The following ZNF365 variants were observed in gnomAD, a reference collection of about 807,000 sequenced individuals.
The protein encoded by ZNF365 is zinc finger protein 365, also known as protein ZNF365.
Under a neutral mutation model 35.0 loss-of-function variants are expected in ZNF365, and 22 were observed. The ratio of observed to expected loss-of-function variants is 0.63; its 90% CI spans 0.45 to 0.90. The LOEUF is 0.90. Ranked by LOEUF, ZNF365 falls within the 40% of genes least tolerant of loss-of-function variation. ZNF365 has a pLI of 0.00. For missense variants in ZNF365, 448 were observed against 500.3 expected (o/e 0.90, Z 1.00); for synonymous variants, 188 against 196.2 (o/e 0.96, Z 0.35).
At chr10:62,464,158 G>A (rs1006463584) in intron 4 of ZNF365, among the ~76,000 whole-genome samples, 1 of 152,154 alleles carries the variant, frequency 6.6e-6, no homozygotes, top group Non-Finnish European at 1.5e-5. Flanking sequence ...TAATGACTTT[G>A]GGACTCACCA....
At chr10:62,441,894 C>T (rs1840507584) in intron 3 of ZNF365, among the ~76,000 whole-genome samples, 1 of 152,098 alleles carries the variant, frequency 6.6e-6, no homozygotes, top group African/African-American at 2.4e-5. Context: ...AGGTGGGAGG[C>T]AGAATAGATG....
intron 2 of ZNF365, among the ~76,000 whole-genome samples, chr10:62,382,956 G>A (rs1227525675): frequency 6.6e-6 from 1 of 152,312 alleles, no homozygotes; most frequent in Non-Finnish European, 1.5e-5. Context: ...CCTTTGGGAG[G>A]AGAAGCTGAT....
exon 5 of ZNF365, chr10:62,479,981 C>A: frequency 6.3e-7 from 1 of 1,591,574 alleles, no homozygotes. Context: ...TTCATTCATT[C>A]AACAAATATT....
chr10:62,455,068 G>T (rs890377183), intron 3 of ZNF365, among the ~76,000 whole-genome samples: 1 of 152,230 alleles, frequency 6.6e-6, no homozygotes, highest in African/African-American at 2.4e-5. Context: ...GGCAGGCAAG[G>T]TTAGAATAAG....
chr10:62,427,419 G>A lies in ZNF365; in HGVS notation c.925-32322G>A, dbSNP rs114829354. ...AGGCTATACCACATACCCTAGGAATGTAGCAGGCTATGCCAGCTAGGTGTG... is the reference window on the plus strand; with the variant it reads ...AGGCTATACCACATACCCTAGGAATATAGCAGGCTATGCCAGCTAGGTGTG... On this transcript the variant is annotated intron_variant, in intron 3 of 4. Transcript: ENST00000395255. Among the ~76,000 whole-genome samples the A allele has an allele frequency of 7.4e-3, 1,126 of 152,290 alleles. 9 individuals are homozygous for A. Among genetic ancestry groups the A allele is most frequent in the African/African-American group, 0.024 (1,014 of 41,554 alleles).
chr10:62,423,463 A>T (rs1383874198), intron 3 of ZNF365, among the ~76,000 whole-genome samples: 3 of 152,204 alleles, frequency 2.0e-5, no homozygotes, highest in African/African-American at 7.2e-5. Flanking sequence ...TAGTTCTGAT[A>T]ACCAGGAATG....
chr10:62,451,161 A>C (rs1840678331), intron 3 of ZNF365, among the ~76,000 whole-genome samples: 1 of 152,172 alleles, frequency 6.6e-6, no homozygotes, highest in South Asian at 2.1e-4. Flanking sequence ...AGATGTAGGG[A>C]GGAGTTTGGT....
At position 62,376,900 on chromosome 10, in the gene ZNF365, T is replaced by C. The variant is rs1415590072; in HGVS notation, c.707T>C (p.Leu236Pro). The C allele has an allele frequency of 1.9e-6, 3 of 1,613,528 alleles. No homozygotes were observed. The highest frequency in any genetic ancestry group is 2.5e-6 in the Non-Finnish European group (3 of 1,179,726). ...ATGATAGCTGTACTGAGGCAACGCC[T>C]GACGGAATCTGAGGAGGAGCTTCTT... ...VEMIAVLRQR[L>P]TESEEELLRK... Residue 236 changes from leucine (L) to proline (P), a missense_variant, in exon 2 of 5, where the codon CTG (leucine) becomes CCG (proline). By Grantham distance (98) the Leu-to-Pro change is moderately conservative. Around this residue, in one of 3 missense-constraint regions of ZNF365, gnomAD observed 362 missense variants for 375.7 expected, o/e 0.96. Transcript: ENST00000395254.
chr10:62,453,641 G>A (rs1179632681), intron 3 of ZNF365, among the ~76,000 whole-genome samples: 1 of 152,084 alleles, frequency 6.6e-6, no homozygotes, highest in African/African-American at 2.4e-5. Context: ...TTTCCTTTGG[G>A]TAGATACCCA....
At chr10:62,421,639 A>C (rs553929277) in intron 3 of ZNF365, among the ~76,000 whole-genome samples, 12 of 152,222 alleles carry the variant, frequency 7.9e-5, no homozygotes, top group Non-Finnish European at 1.0e-4. Flanking sequence ...TAAAGGCTTT[A>C]ATGATAGAGA....
chr10:62,431,276 A>G (rs2132456368), intron 3 of ZNF365, among the ~76,000 whole-genome samples: 1 of 152,340 alleles, frequency 6.6e-6, no homozygotes, highest in Middle Eastern at 3.4e-3. Context: ...CTAATAGTAA[A>G]AACAGTACTT....
chr10:62,441,268 C>G (rs189269280), intron 3 of ZNF365, among the ~76,000 whole-genome samples: 1 of 152,258 alleles, frequency 6.6e-6, no homozygotes, highest in African/African-American at 2.4e-5. Flanking sequence ...TACTTAGAAC[C>G]ATTCTACACC....
chr10:62,428,893 A>T (rs1398255340), intron 3 of ZNF365, among the ~76,000 whole-genome samples: 1 of 152,150 alleles, frequency 6.6e-6, no homozygotes, highest in Non-Finnish European at 1.5e-5. Flanking sequence ...GGTGATGTAG[A>T]CTGATTTATA....
chr10:62,391,723 T>C (rs762407268), intron 3 of ZNF365, among the ~76,000 whole-genome samples: 2 of 152,266 alleles, frequency 1.3e-5, no homozygotes, highest in African/African-American at 2.4e-5. Context: ...TATGCAATTA[T>C]CTTTTTCATG....
At chr10:62,407,573 G>A (rs1839923110) in intron 3 of ZNF365, among the ~76,000 whole-genome samples, 1 of 146,924 alleles carries the variant, frequency 6.8e-6, no homozygotes, top group South Asian at 2.3e-4. Context: ...ATGGATTTGA[G>A]GGTCTCCTCT....
At chr10:62,469,363 A>G (rs1423941993) in intron 4 of ZNF365, among the ~76,000 whole-genome samples, 1 of 152,094 alleles carries the variant, frequency 6.6e-6, no homozygotes, top group Non-Finnish European at 1.5e-5. Flanking sequence ...CTTCTTCTGA[A>G]TTGTTTTTCT....
At chr10:62,479,551 T>C (rs912583846) in intron 4 of ZNF365, among the ~76,000 whole-genome samples, 8 of 152,188 alleles carry the variant, frequency 5.3e-5, no homozygotes, top group Admixed American at 5.2e-4. Context: ...CAGGACACTC[T>C]TGAGAGTTGG....
At chr10:62,443,035 G>A (rs143611276) in intron 3 of ZNF365, among the ~76,000 whole-genome samples, 278 of 152,260 alleles carry the variant, frequency 1.8e-3, no homozygotes, top group African/African-American at 6.4e-3. Flanking sequence ...GGGCTCAACC[G>A]GGCTTTGAAT....
chr10:62,431,059 T>C (rs552859218), intron 3 of ZNF365, among the ~76,000 whole-genome samples: 2 of 152,310 alleles, frequency 1.3e-5, no homozygotes, highest in Admixed American at 6.5e-5. Flanking sequence ...ACCAAAGCAG[T>C]TGGTAAAAGT....
Sources: gnomAD v4.1 joint callset for allele counts (sites outside exome capture counted in the v4.1 genomes callset) on GRCh38, gnomAD v4.1.1 for gene constraint, gnomAD v4.1.1 regional missense constraint, MANE v1.5 for transcripts, NCBI Gene and HGNC (gene_info 2026-07-23, HGNC 2026-07-21) for gene names.